The following SPATS2 variants were observed in gnomAD, a reference collection of about 807,000 sequenced individuals.
SPATS2 encodes the protein spermatogenesis-associated serine-rich protein 2.
In SPATS2, 38 loss-of-function variants were observed where a neutral mutation model predicts 63.7. The ratio of observed to expected loss-of-function variants is 0.60; its 90% CI spans 0.46 to 0.78. SPATS2 has a LOEUF of 0.78. SPATS2 is among the 30% of genes least tolerant of loss of function. SPATS2 has a pLI of 0.00. For missense variants in SPATS2, 588 were observed against 666.2 expected (o/e 0.88, Z 1.29); for synonymous variants, 207 against 232.9 (o/e 0.89, Z 1.01).
At chr12:49,470,810 CA>C (rs1017038844) in intron 3 of SPATS2, among the ~76,000 whole-genome samples, 11 of 152,200 alleles carry the variant, frequency 7.2e-5, no homozygotes, top group African/African-American at 2.7e-4. Flanking sequence ...AGCCTTGTTC[CA>C]GTGTTTTGTT....
chr12:49,469,119 C>T (rs889998519), intron 3 of SPATS2, among the ~76,000 whole-genome samples: 5 of 151,730 alleles, frequency 3.3e-5, no homozygotes, highest in African/African-American at 1.2e-4. Context: ...AATTAATGGC[C>T]AGGCACAGTG....
intron 3 of SPATS2, among the ~76,000 whole-genome samples, chr12:49,466,341 T>G (rs1042785674): frequency 1.3e-5 from 2 of 152,086 alleles, no homozygotes; most frequent in African/African-American, 4.8e-5. Context: ...TTTTGTATTT[T>G]TAGTAGAGAC....
At position 49,443,515 on chromosome 12, in the gene SPATS2, CT is replaced by C. The variant is rs797022408; in HGVS notation, c.-243-17245del. Reference sequence around the variant, plus strand: ...GAAAAGTCTTAAATTTGAATTCTAGCTTTTTTTTTTCTTTTATAGATTGTAT... The same window carrying C: ...GAAAAGTCTTAAATTTGAATTCTAGCTTTTTTTTTCTTTTATAGATTGTAT... On this transcript the variant is annotated intron_variant, in intron 2 of 13. Coordinates refer to ENST00000552918, the MANE Select transcript of SPATS2 (RefSeq NM_023071.4). Among the ~76,000 whole-genome samples, 51 of 148,148 alleles carry C rather than the reference CT, an allele frequency of 3.4e-4. 1 individual carries two copies. Among genetic ancestry groups the C allele is most frequent in the African/African-American group, 8.2e-4 (33 of 40,406 alleles).
chr12:49,519,111 C>A lies in SPATS2; in HGVS notation c.937C>A (p.Leu313Ile), dbSNP rs767621513. 1 of 1,614,000 alleles carries A rather than the reference C, an allele frequency of 6.2e-7. No homozygotes were observed. Among genetic ancestry groups the A allele is most frequent in the East Asian group, 2.2e-5 (1 of 44,854 alleles). Residue 313 changes from leucine (L) to isoleucine (I), a missense_variant, in exon 11 of 14, where the codon CTA becomes ATA. By Grantham distance (5) the Leu-to-Ile change is conservative. Transcript: ENST00000552918. Reference protein sequence around the residue: ...LLSRQKKAELLKKMTHVAVQM... With the variant: ...LLSRQKKAELIKKMTHVAVQM... Reference sequence around the variant, plus strand: ...CAGCCGACAAAAGAAGGCTGAACTTCTAAAGAAGATGACTCATGTGGCTGT... The same window carrying A: ...CAGCCGACAAAAGAAGGCTGAACTTATAAAGAAGATGACTCATGTGGCTGT...
At chr12:49,500,004 C>T (rs1361591654) in intron 8 of SPATS2, 66 bp from the exon 9 acceptor site, 66 of 1,250,372 alleles carry the variant, frequency 5.3e-5, no homozygotes, top group Non-Finnish European at 6.2e-5. Flanking sequence ...TGTTCAGATC[C>T]GACTTTCAAG....
At chr12:49,484,224 C>T (rs931988022) in intron 3 of SPATS2, among the ~76,000 whole-genome samples, 12 of 152,110 alleles carry the variant, frequency 7.9e-5, no homozygotes, top group African/African-American at 2.4e-4. Flanking sequence ...AGCTCCCATC[C>T]CACTCACATT....
intron 2 of SPATS2, chr12:49,454,461 A>T (rs933355936): frequency 1.3e-5 from 2 of 152,246 alleles, no homozygotes; most frequent in Non-Finnish European, 2.9e-5. Context: ...ACTCACTTAA[A>T]GTCTTTCAAC....
At chr12:49,478,022 T>C (rs1946148667) in intron 3 of SPATS2, among the ~76,000 whole-genome samples, 1 of 149,844 alleles carries the variant, frequency 6.7e-6, no homozygotes. Flanking sequence ...TTGCCCAGGC[T>C]GGAGTGTAGT....
At chr12:49,522,911 G>C (rs909371892) in intron 12 of SPATS2, 58 bp downstream of exon 12, 4 of 1,419,244 alleles carry the variant, frequency 2.8e-6, no homozygotes, top group Non-Finnish European at 3.9e-6. Context: ...AGAGACTGAC[G>C]TGCTGATTGT....
intron 2 of SPATS2, among the ~76,000 whole-genome samples, chr12:49,460,112 A>AAAAC (rs890224036): frequency 2.8e-4 from 43 of 151,794 alleles, no homozygotes; most frequent in Admixed American, 2.0e-4. Flanking sequence ...CCGCCTCAAA[A>AAAAC]AAACAAACAA....
chr12:49,385,622 T>TA (rs1309198065), intron 2 of SPATS2, among the ~76,000 whole-genome samples: 5 of 152,122 alleles, frequency 3.3e-5, no homozygotes, highest in Admixed American at 1.3e-4. Flanking sequence ...AAAATTTTCT[T>TA]ACGATTGTTT....
intron 2 of SPATS2, among the ~76,000 whole-genome samples, chr12:49,399,108 G>A (rs1944561949): frequency 6.6e-6 from 1 of 151,360 alleles, no homozygotes; most frequent in South Asian, 2.1e-4. Flanking sequence ...GTCCACATAC[G>A]TTTTCGTGTC....
chr12:49,409,818 C>T (rs1944765446), intron 2 of SPATS2, among the ~76,000 whole-genome samples: 1 of 151,586 alleles, frequency 6.6e-6, no homozygotes, highest in Non-Finnish European at 1.5e-5. Context: ...GGCCAGGCTG[C>T]TCTTGAACTC....
chr12:49,436,536 C>A (rs1305408929), intron 2 of SPATS2, among the ~76,000 whole-genome samples: 1 of 119,774 alleles, frequency 8.3e-6, no homozygotes. Context: ...CTGACCCCCC[C>A]GCCTCCTGGC....
chr12:49,498,114 G>T (rs1946494080), intron 8 of SPATS2, among the ~76,000 whole-genome samples: 1 of 126,800 alleles, frequency 7.9e-6, no homozygotes, highest in African/African-American at 3.3e-5. Context: ...CAGCAGGTTT[G>T]AGACTATCCA....
intron 3 of SPATS2, among the ~76,000 whole-genome samples, chr12:49,466,100 A>G (rs918625453): frequency 2.0e-5 from 3 of 150,700 alleles, no homozygotes; most frequent in Non-Finnish European, 4.4e-5. Flanking sequence ...ACTTTTTCCC[A>G]GAAGTTTTAT....
chr12:49,367,532 C>T lies in SPATS2; in HGVS notation c.-362C>T. ...TTCCTCTTCTCAGACCCGGGAGCGT[C>T]CGGGACGCGGAGCCCGGAGCTGGGG... On this transcript the variant is annotated 5_prime_UTR_variant, in exon 1 of 14. Coordinates refer to ENST00000552918, the MANE Select transcript of SPATS2 (RefSeq NM_023071.4). 2.5e-6 allele frequency: 1 copy of T among 398,332 alleles called. No homozygotes were observed. Among genetic ancestry groups the T allele is most frequent in the Non-Finnish European group, 4.4e-6 (1 of 226,162 alleles). 24.7% of individuals were successfully genotyped at this position (398,332 alleles called of 1,614,324 possible). A position where few individuals can be genotyped will look rare whatever the true frequency, so the allele number is the denominator to read the frequency against.
intron 4 of SPATS2, among the ~76,000 whole-genome samples, chr12:49,489,177 C>A (rs924023960): frequency 2.0e-5 from 3 of 152,182 alleles, no homozygotes; most frequent in African/African-American, 7.2e-5. Context: ...CACATTAATA[C>A]CTGATACCGA....
intron 3 of SPATS2, among the ~76,000 whole-genome samples, chr12:49,474,439 A>G (rs1033251256): frequency 6.6e-6 from 1 of 152,356 alleles, no homozygotes; most frequent in South Asian, 2.1e-4. Context: ...GAAGCATGCA[A>G]TTAGGATTGA....
Sources: allele counts gnomAD v4.1 joint callset (sites outside exome capture counted in the v4.1 genomes callset), GRCh38; gene constraint gnomAD v4.1.1; transcripts MANE v1.5; gene names NCBI Gene and HGNC (gene_info 2026-07-23, HGNC 2026-07-21).